CADM2: variants seen among roughly 807,000 people sequenced by gnomAD.
CADM2 encodes the protein cell adhesion molecule 2.
In CADM2, 12 loss-of-function variants were observed where a neutral mutation model predicts 49.8. The observed-to-expected ratio is 0.24, with a 90% CI of 0.15 to 0.39. CADM2 has a LOEUF of 0.39. Ranked by LOEUF, CADM2 falls within the 10% of genes least tolerant of loss-of-function variation. The pLI is 1.00. For missense variants in CADM2, 378 were observed against 492.3 expected (o/e 0.77, Z 2.20); for synonymous variants, 214 against 175.4 (o/e 1.22, Z -1.74).
At chr3:85,522,550 A>G (rs941008527) in intron 1 of CADM2, among the ~76,000 whole-genome samples, 24 of 152,290 alleles carry the variant, frequency 1.6e-4, no homozygotes, top group African/African-American at 5.5e-4. Flanking sequence ...ATGGCAATTC[A>G]TTGTCATTGT....
chr3:85,411,714 C>T (rs1490817396), intron 1 of CADM2, among the ~76,000 whole-genome samples: 1 of 152,146 alleles, frequency 6.6e-6, no homozygotes, highest in Non-Finnish European at 1.5e-5. Flanking sequence ...AGGTTTATTT[C>T]AAGCTAACAA....
chr3:85,023,545 G>A (rs1467575058), intron 1 of CADM2, among the ~76,000 whole-genome samples: 4 of 151,804 alleles, frequency 2.6e-5, no homozygotes, highest in African/African-American at 7.3e-5. Context: ...AAAAGGTCTC[G>A]GCCCCTCTCT....
intron 3 of CADM2, among the ~76,000 whole-genome samples, chr3:85,821,535 A>T (rs2073565795): frequency 6.6e-6 from 1 of 152,142 alleles, no homozygotes; most frequent in Non-Finnish European, 1.5e-5. Flanking sequence ...TTTTCCTGGG[A>T]CTAGAAAGAA....
intron 1 of CADM2, among the ~76,000 whole-genome samples, chr3:85,206,464 C>A (rs915295596): frequency 1.3e-5 from 2 of 151,940 alleles, no homozygotes; most frequent in East Asian, 1.9e-4. Context: ...CCCGTCACCA[C>A]GCCCGGCTAA....
intron 1 of CADM2, among the ~76,000 whole-genome samples, chr3:85,438,519 A>C (rs948002833): frequency 1.3e-5 from 2 of 152,208 alleles, no homozygotes. Context: ...TAAGAAAAAA[A>C]GAGTAATAGT....
intron 1 of CADM2, among the ~76,000 whole-genome samples, chr3:85,635,253 A>G (rs1372426748): frequency 3.3e-5 from 5 of 152,130 alleles, no homozygotes; most frequent in Non-Finnish European, 5.9e-5. Flanking sequence ...GAACACACAC[A>G]TAAGCGGCAT....
At chr3:85,321,117 T>TATATA (rs1559778035) in intron 1 of CADM2, among the ~76,000 whole-genome samples, 3 of 4,718 alleles carry the variant, frequency 6.4e-4, no homozygotes, top group Non-Finnish European at 1.1e-3. Context: ...TATATATATA[T>TATATA]TTTTTTTTTT....
At chr3:85,132,624 T>C (rs1337627324) in intron 1 of CADM2, among the ~76,000 whole-genome samples, 2 of 148,462 alleles carry the variant, frequency 1.3e-5, no homozygotes, top group East Asian at 4.1e-4. Flanking sequence ...AACAAGGATA[T>C]ATTATATATA....
intron 1 of CADM2, among the ~76,000 whole-genome samples, chr3:85,272,621 GCC>G (rs1275745351): frequency 6.6e-6 from 1 of 151,216 alleles, no homozygotes; most frequent in Non-Finnish European, 1.5e-5. Context: ...TCTCTTCAGT[GCC>G]TCAGCACTAG....
intron 1 of CADM2, among the ~76,000 whole-genome samples, chr3:85,431,107 A>G (rs1158245321): frequency 6.6e-6 from 1 of 152,124 alleles, no homozygotes; most frequent in African/African-American, 2.4e-5. Context: ...ACAAATTCTT[A>G]CTGTTGTGTT....
At chr3:85,630,969 A>G (rs189986813) in intron 1 of CADM2, among the ~76,000 whole-genome samples, 19 of 152,150 alleles carry the variant, frequency 1.2e-4, no homozygotes, top group African/African-American at 3.4e-4. Context: ...ATATCTAGGC[A>G]CTTTCTATTT....
chr3:85,482,135 G>A (rs1282355071), intron 1 of CADM2, among the ~76,000 whole-genome samples: 1 of 151,564 alleles, frequency 6.6e-6, no homozygotes, highest in Admixed American at 6.6e-5. Flanking sequence ...TATTCCTAGG[G>A]CATGCTTATT....
intron 1 of CADM2, among the ~76,000 whole-genome samples, chr3:85,584,421 C>T (rs1399274828): frequency 6.6e-6 from 1 of 151,876 alleles, no homozygotes; most frequent in Non-Finnish European, 1.5e-5. Flanking sequence ...ATTATGCTAC[C>T]CGTTTATCTA....
chr3:84,987,396 T>TA (rs2032636155), intron 1 of CADM2, among the ~76,000 whole-genome samples: 1 of 152,146 alleles, frequency 6.6e-6, no homozygotes, highest in African/African-American at 2.4e-5. Context: ...GGATTTTTCT[T>TA]ACTGCTTGTG....
At chr3:85,118,608 C>T (rs1226829190) in intron 1 of CADM2, among the ~76,000 whole-genome samples, 1 of 152,176 alleles carries the variant, frequency 6.6e-6, no homozygotes, top group Non-Finnish European at 1.5e-5. Context: ...TTACCTCCCA[C>T]TGGGTGCTTC....
At chr3:85,178,011 A>G (rs2040831027) in intron 1 of CADM2, among the ~76,000 whole-genome samples, 1 of 151,952 alleles carries the variant, frequency 6.6e-6, no homozygotes, top group Admixed American at 6.6e-5. Context: ...TCATGATTAG[A>G]TATTTAATAT....
At chr3:85,477,862 A>G (rs185620949) in intron 1 of CADM2, among the ~76,000 whole-genome samples, 9 of 152,040 alleles carry the variant, frequency 5.9e-5, no homozygotes, top group Admixed American at 5.9e-4. Context: ...ACTAGTGTGT[A>G]AATAACACCA....
chr3:85,427,095 C>T (rs550102174), intron 1 of CADM2, among the ~76,000 whole-genome samples: 38 of 146,964 alleles, frequency 2.6e-4, no homozygotes, highest in Non-Finnish European at 3.6e-4. Context: ...CTACAGAATC[C>T]TTGTTCGGGA....
At chr3:85,821,630 C>T (rs2073574730) in intron 3 of CADM2, among the ~76,000 whole-genome samples, 2 of 152,052 alleles carry the variant, frequency 1.3e-5, no homozygotes, top group Non-Finnish European at 2.9e-5. Context: ...ACTGTTTTAT[C>T]TTCTATGCAA....
Sources: allele counts gnomAD v4.1 joint callset (sites outside exome capture counted in the v4.1 genomes callset), GRCh38; gene constraint gnomAD v4.1.1; transcripts MANE v1.5; gene names NCBI Gene and HGNC (gene_info 2026-07-23, HGNC 2026-07-21).